C4BPA: variants seen among roughly 807,000 people sequenced by gnomAD.
C4BPA encodes the protein C4b-binding protein alpha chain.
Under a neutral mutation model 63.7 loss-of-function variants are expected in C4BPA, and 31 were observed. The ratio of observed to expected loss-of-function variants is 0.49; its 90% CI spans 0.37 to 0.66. The LOEUF (loss-of-function observed/expected upper bound fraction) is 0.66, where lower values mean the gene tolerates loss of function less well. C4BPA is among the 30% of genes least tolerant of loss of function. The probability of loss-of-function intolerance (pLI) is 0.00; values close to 1 mark genes in which losing one functional copy is unlikely to be tolerated. For synonymous variants in C4BPA, 259 were observed against 254.7 expected, an observed-to-expected ratio of 1.02 and a Z score of -0.16; for missense variants, 572 against 723.3, an observed-to-expected ratio of 0.79 and a Z score of 2.40.
At chr1:207,117,019 A>ATAT (rs1684809824) in intron 4 of C4BPA, among the ~76,000 whole-genome samples, 1 of 152,184 alleles carries the variant, frequency 6.6e-6, no homozygotes, top group African/African-American at 2.4e-5. Flanking sequence ...AAGCTTTATA[A>ATAT]TATGTTTTAA....
At chr1:207,135,372 T>G (rs1187622070) in intron 9 of C4BPA, among the ~76,000 whole-genome samples, 5 of 152,004 alleles carry the variant, frequency 3.3e-5, no homozygotes, top group African/African-American at 1.2e-4. Flanking sequence ...TGTTAATGCA[T>G]TCCACCCTCC....
chr1:207,118,213 G>GTCTATCTATCA (rs142367338), intron 4 of C4BPA, among the ~76,000 whole-genome samples: 45 of 137,488 alleles, frequency 3.3e-4, no homozygotes, highest in Middle Eastern at 3.5e-3. Context: ...TCTATCATCT[G>GTCTATCTATCA]TCTATCTATC....
rs552246138 is a variant in C4BPA at position 207,125,947 on chromosome 1, G to A, written c.707-766G>A. Among the ~76,000 whole-genome samples, 1,031 of 152,168 alleles carry A rather than the reference G, an allele frequency of 6.8e-3. 6 individuals carry two copies. Among genetic ancestry groups the A allele is most frequent in the Non-Finnish European group, 9.0e-3 (612 of 68,010 alleles). On this transcript the variant is annotated intron_variant, in intron 6 of 11. Transcript: ENST00000367070. ...GCCAGGATGTGGGTGAGGGGTGTGA[G>A]ATAGGGGGCGGCTTGTTTTCTGCTT...
intron 6 of C4BPA, among the ~76,000 whole-genome samples, chr1:207,125,962 G>C (rs1371562626): frequency 2.0e-5 from 3 of 152,074 alleles, no homozygotes; most frequent in Non-Finnish European, 4.4e-5. Flanking sequence ...GGGGCGGCTT[G>C]TTTTCTGCTT....
intron 4 of C4BPA, among the ~76,000 whole-genome samples, chr1:207,120,471 C>T (rs1205826094): frequency 6.6e-6 from 1 of 152,180 alleles, no homozygotes; most frequent in Non-Finnish European, 1.5e-5. Context: ...CTGAAGACTT[C>T]CAAACTGACT....
At chr1:207,142,082 C>G (rs1285251280) in intron 10 of C4BPA, among the ~76,000 whole-genome samples, 1 of 150,544 alleles carries the variant, frequency 6.6e-6, no homozygotes. Flanking sequence ...CCCCCACCCC[C>G]CGACAGGCCC....
In C4BPA at chr1:207,131,616, T is replaced by C. The variant is rs1182558731; in HGVS notation, c.960T>C (p.Asp320=). The part of the protein sequence containing the change: ...WETYPRPTKE[D]VYVVGTVLRY... ...CATATCCTAGGCCGACAAAAGAGGA[T>C]GTGTATGTTGTTGGGACTGTGTTAA... The change falls in exon 8 of 12, where the codon GAT becomes GAC. Residue 320 remains aspartate (D), a synonymous_variant. Transcript: ENST00000367070. The C allele has an allele frequency of 1.9e-6, 3 of 1,613,334 alleles. No individual in the cohort carries two copies. The highest frequency in any genetic ancestry group is 1.7e-6 in the Non-Finnish European group (2 of 1,179,392).
chr1:207,116,524 G>A (rs1007750550), intron 4 of C4BPA, among the ~76,000 whole-genome samples: 67 of 142,890 alleles, frequency 4.7e-4, no homozygotes, highest in African/African-American at 1.9e-3. Flanking sequence ...ATATGTGTGT[G>A]TGTGTGTGTG....
At chr1:207,135,786 T>C (rs987477127) in intron 9 of C4BPA, among the ~76,000 whole-genome samples, 2 of 152,230 alleles carry the variant, frequency 1.3e-5, no homozygotes, top group African/African-American at 4.8e-5. Flanking sequence ...GTGCCTTTAA[T>C]AGGCCATTCA....
At position 207,113,180 on chromosome 1, in the gene C4BPA, A is replaced by C. The variant is rs1425906507; in HGVS notation, c.142+13A>C. On this transcript the variant is annotated intron_variant, in intron 2 of 11. Coordinates refer to ENST00000367070, the MANE Select transcript of C4BPA (RefSeq NM_000715.4). ...CCTGCTGTTCTTGGTGAGTAGTGGGAAACAAGCTCAAATCAGCAACAAACA... is the reference window on the plus strand; with the variant it reads ...CCTGCTGTTCTTGGTGAGTAGTGGGCAACAAGCTCAAATCAGCAACAAACA... The C allele has an allele frequency of 1.2e-6, 2 of 1,604,046 alleles. No homozygotes were observed. Among genetic ancestry groups the C allele is most frequent in the Admixed American group, 3.5e-5 (2 of 57,288 alleles).
intron 11 of C4BPA, among the ~76,000 whole-genome samples, chr1:207,144,242 G>C (rs1685482919): frequency 6.6e-6 from 1 of 152,110 alleles, no homozygotes; most frequent in South Asian, 2.1e-4. Flanking sequence ...AGACCCAGTA[G>C]TACTGATTTC....
intron 6 of C4BPA, 34 bp downstream of exon 6, chr1:207,124,400 T>C (rs767808886): frequency 2.0e-6 from 3 of 1,491,330 alleles, no homozygotes; most frequent in African/African-American, 1.4e-5. Context: ...CATCAAAATG[T>C]TTGCTCTCTT....
chr1:207,119,783 T>C lies in C4BPA; in HGVS notation c.429-4139T>C, dbSNP rs2102337045. 6.4e-5 allele frequency among the ~76,000 whole-genome samples: 2 copies of C among 31,122 alleles called. 1 individual carries two copies. The highest frequency in any genetic ancestry group is 0.023 in the Middle Eastern group (2 of 88). The allele number at this position is 31,122 out of a possible 152,430, so 20.4% of individuals were successfully genotyped here. ...CATTTATATTAAAATAAGAAAGAAA[T>C]ATTCACAACTTTTATGGTCCTTGTT... On this transcript the variant is annotated intron_variant, in intron 4 of 11. Transcript: ENST00000367070.
At chr1:207,142,372 A>G (rs1251966886) in intron 10 of C4BPA, among the ~76,000 whole-genome samples, 1 of 152,184 alleles carries the variant, frequency 6.6e-6, no homozygotes, top group Non-Finnish European at 1.5e-5. Flanking sequence ...TAGTGCTGCA[A>G]TAAACATACG....
chr1:207,127,939 AT>A (rs1278589502), intron 7 of C4BPA, among the ~76,000 whole-genome samples: 1 of 152,136 alleles, frequency 6.6e-6, no homozygotes, highest in Non-Finnish European at 1.5e-5. Context: ...TGAAAATTAC[AT>A]GACAGTATTT....
chr1:207,135,970 C>A (rs1422843708), intron 9 of C4BPA, among the ~76,000 whole-genome samples: 4 of 152,160 alleles, frequency 2.6e-5, no homozygotes, highest in African/African-American at 9.7e-5. Flanking sequence ...CTTAAGATGA[C>A]CGTGCTGACT....
At chr1:207,105,803 C>T (rs1177635417) in intron 1 of C4BPA, among the ~76,000 whole-genome samples, 1 of 152,100 alleles carries the variant, frequency 6.6e-6, no homozygotes, top group Non-Finnish European at 1.5e-5. Context: ...AATTTGAGGA[C>T]TAAAGATTTT....
chr1:207,118,247 C>CTATCTATCTATCTATCT (rs1553256039), intron 4 of C4BPA, among the ~76,000 whole-genome samples: 1 of 61,766 alleles, frequency 1.6e-5, no homozygotes, highest in Non-Finnish European at 3.8e-5. Context: ...ATCTATCTAT[C>CTATCTATCTATCTATCT]ATCTATCTAC....
chr1:207,105,568 A>AAG (rs1179704015), intron 1 of C4BPA, among the ~76,000 whole-genome samples: 24 of 150,850 alleles, frequency 1.6e-4, no homozygotes, highest in African/African-American at 5.6e-4. Context: ...AAAAAAAAAA[A>AAG]AAAAAGAAAA....
Sources: allele counts gnomAD v4.1 joint callset (sites outside exome capture counted in the v4.1 genomes callset), GRCh38; gene constraint gnomAD v4.1.1; transcripts MANE v1.5; gene names NCBI Gene and HGNC (gene_info 2026-07-23, HGNC 2026-07-21).